OPTN: variants seen among roughly 807,000 people sequenced by gnomAD.
OPTN encodes E3-14.7K-interacting protein.
OPTN carries 54 observed loss-of-function variants against 70.4 expected under a neutral mutation model. The observed-to-expected ratio is 0.77, with a 90% CI of 0.62 to 0.96. The LOEUF is 0.96. Ranked by LOEUF, OPTN falls within the 40% of genes least tolerant of loss-of-function variation. The probability of loss-of-function intolerance (pLI) is 0.00; values close to 1 mark genes in which losing one functional copy is unlikely to be tolerated. For synonymous variants in OPTN, 256 were observed against 248.5 expected (o/e 1.03, Z -0.28); for missense variants, 624 against 673.2 (o/e 0.93, Z 0.81).
chr10:13,110,466 G>A lies in OPTN; in HGVS notation c.359G>A (p.Arg120Lys), dbSNP rs1832971194. The part of the protein sequence containing the change: ...ELGKLKGKSE[R>K]SSEDPTDDSR... ...GGAAAACTAAAAGGGAAATCAGAAAGGTCATCTGAGGTGAGCAGACCGATC... is the reference window on the plus strand; with the variant it reads ...GGAAAACTAAAAGGGAAATCAGAAAAGTCATCTGAGGTGAGCAGACCGATC... Residue 120 changes from arginine (R) to lysine (K), a missense_variant, in exon 4 of 15, where the codon AGG becomes AAG. By Grantham distance (26) the Arg-to-Lys change is conservative. Coordinates refer to ENST00000378747, the MANE Select transcript of OPTN (RefSeq NM_001008212.2). 2 of 1,613,032 alleles carry A rather than the reference G, an allele frequency of 1.2e-6. No homozygotes were observed. Among genetic ancestry groups the A allele is most frequent in the Non-Finnish European group, 1.7e-6 (2 of 1,179,518 alleles).
Position 13,127,910 on chromosome 10 carries a change from C to CGCCT in OPTN, c.1401+7_1401+8insGCCT. The CGCCT allele has an allele frequency of 1.9e-6, 3 of 1,614,096 alleles. No individual in the cohort carries two copies. Among genetic ancestry groups the CGCCT allele is most frequent in the Non-Finnish European group, 2.5e-6 (3 of 1,179,994 alleles). On this transcript the variant is annotated splice_region_variant and intron_variant, in intron 12 of 14. Coordinates refer to ENST00000378747, the MANE Select transcript of OPTN (RefSeq NM_001008212.2). The stretch of plus-strand genomic sequence containing the variant: ...GACCATCCTCAGGGCTCAGGTGAGG[C>CGCCT]ACCTTCCAAAACCCCAGCTGAGCGA...
At chr10:13,124,336 G>T (rs1488691410) in intron 9 of OPTN, among the ~76,000 whole-genome samples, 1 of 152,112 alleles carries the variant, frequency 6.6e-6, no homozygotes, top group African/African-American at 2.4e-5. Context: ...GCCATTTAGG[G>T]GCATTTGTTA....
intron 13 of OPTN, 26 bp from the exon 14 acceptor site, chr10:13,133,476 C>G: frequency 6.2e-7 from 1 of 1,607,702 alleles, no homozygotes; most frequent in Non-Finnish European, 8.5e-7. Context: ...GAACATCACA[C>G]AGCGTGTTGC....
rs144466778 is a variant in OPTN, at chr10:13,127,898, G to T, written c.1396G>T (p.Ala466Ser). 75 of 1,614,138 alleles carry T rather than the reference G, an allele frequency of 4.6e-5. No homozygotes were observed. The African/African-American group carries it at 9.5e-4, about 20-fold the overall frequency. The change falls in exon 12 of 15, where the codon GCT (alanine) becomes TCT (serine). Residue 466 changes from alanine (A) to serine (S), a missense_variant. Physicochemically the swap from Ala to Ser is moderately conservative, Grantham distance 99. Coordinates refer to ENST00000378747, the MANE Select transcript of OPTN (RefSeq NM_001008212.2). ...CCTGGAAACCATGACCATCCTCAGG[G>T]CTCAGGTGAGGCACCTTCCAAAACC... ...EDLETMTILR[A>S]QMEVYCSDFH...
chr10:13,110,507 T>G lies in OPTN; in HGVS notation c.369+31T>G, dbSNP rs201978271. ...CAGACCGATCCATTGTGATGTTGTT[T>G]TTTTTTTTTCCCTTGACATTTGCAG... On this transcript the variant is annotated intron_variant, in intron 4 of 14. Transcript: ENST00000378747. 51 of 1,594,668 alleles carry G rather than the reference T, an allele frequency of 3.2e-5. No individual in the cohort carries two copies. The East Asian group carries it at 5.0e-4, about 16-fold the overall frequency.
intron 7 of OPTN, among the ~76,000 whole-genome samples, chr10:13,121,663 G>A (rs572298031): frequency 1.3e-5 from 2 of 152,258 alleles, no homozygotes; most frequent in South Asian, 4.2e-4. Context: ...AGTTCCCACA[G>A]TGTGAATCTG....
At chr10:13,109,761 G>C (rs1832953659) in intron 3 of OPTN, 1 of 165,572 alleles carries the variant, frequency 6.0e-6, no homozygotes, top group Non-Finnish European at 1.3e-5. Flanking sequence ...CTTGAGCCTG[G>C]GAAGTTGGAG....
chr10:13,111,715 T>G (rs1490541895), intron 4 of OPTN, among the ~76,000 whole-genome samples: 6 of 151,794 alleles, frequency 4.0e-5, no homozygotes, highest in Non-Finnish European at 4.4e-5. Flanking sequence ...AATTGTCAGG[T>G]AAAAGCTGAA....
At chr10:13,127,350 G>T (rs575736478) in intron 11 of OPTN, among the ~76,000 whole-genome samples, 1 of 152,300 alleles carries the variant, frequency 6.6e-6, no homozygotes, top group South Asian at 2.1e-4. Context: ...ACTGACTGCA[G>T]GAAGTAACAA....
intron 1 of OPTN, among the ~76,000 whole-genome samples, chr10:13,103,931 A>G (rs775925666): frequency 3.2e-4 from 48 of 152,238 alleles, no homozygotes; most frequent in Non-Finnish European, 6.2e-4. Flanking sequence ...TTGCCTAGAA[A>G]TAACATACTT....
chr10:13,105,824 A>G (rs563720694), intron 1 of OPTN, among the ~76,000 whole-genome samples: 14 of 152,078 alleles, frequency 9.2e-5, no homozygotes, highest in Middle Eastern at 3.4e-3. Flanking sequence ...CAGGAGAATC[A>G]CTTGAATCTG....
At position 13,118,919 on chromosome 10, in the gene OPTN, G is replaced by A. The variant is rs779278597; in HGVS notation, c.658G>A (p.Asp220Asn). 6.2e-7 allele frequency: 1 copy of A among 1,614,170 alleles called. No individual in the cohort carries two copies. Among genetic ancestry groups the A allele is most frequent in the South Asian group, 1.1e-5 (1 of 91,086 alleles). ...ALSKYRSRSADGAKNYFEHEE... is the reference protein window; with the variant it reads ...ALSKYRSRSANGAKNYFEHEE... ...GTCTAAATATAGGAGCAGATCTGCA[G>A]ATGGGGCCAAGAATTACTTCGAACA... Residue 220 changes from aspartate to asparagine, a missense_variant, in exon 7 of 15, where the codon GAT (aspartate) becomes AAT (asparagine). Coordinates refer to ENST00000378747, the MANE Select transcript of OPTN (RefSeq NM_001008212.2).
chr10:13,135,664 G>A lies in OPTN; in HGVS notation c.1613-1081G>A, dbSNP rs114201013. On this transcript the variant is annotated intron_variant, in intron 14 of 14. Coordinates refer to ENST00000378747, the MANE Select transcript of OPTN (RefSeq NM_001008212.2). ...TTTATACATCCCAGAGGATTCAAAAGTGTCTGCTGAACAAATGAGATGATT... is the reference window on the plus strand; with the variant it reads ...TTTATACATCCCAGAGGATTCAAAAATGTCTGCTGAACAAATGAGATGATT... Among the ~76,000 whole-genome samples the A allele has an allele frequency of 2.0e-3, 299 of 152,242 alleles. 3 individuals carry two copies. Among genetic ancestry groups the A allele is most frequent in the African/African-American group, 6.9e-3 (288 of 41,536 alleles).
At position 13,137,135 on chromosome 10, in the gene OPTN, C is replaced by T. The variant is rs111484304; in HGVS notation, c.*269C>T. 5.1e-3 allele frequency: 2,366 copies of T among 465,292 alleles called. 43 individuals carry two copies. The highest frequency in any genetic ancestry group is 0.041 in the African/African-American group (2,087 of 51,248). 28.8% of individuals were successfully genotyped at this position (465,292 alleles called of 1,614,324 possible). A position where few individuals can be genotyped will look rare whatever the true frequency, so the allele number is the denominator to read the frequency against. On this transcript the variant is annotated 3_prime_UTR_variant, in exon 15 of 15. Coordinates refer to ENST00000378747, the MANE Select transcript of OPTN (RefSeq NM_001008212.2). ...CTCTACCAAAATTACAAAAATTAGC[C>T]GAGCATGGTGGCGCATGCCTGTAGT...
Position 13,133,487 on chromosome 10 carries a change from T to G in OPTN, c.1533-15T>G. The G allele has an allele frequency of 6.2e-7, 1 of 1,613,356 alleles. No individual in the cohort carries two copies. The highest frequency in any genetic ancestry group is 8.5e-7 in the Non-Finnish European group (1 of 1,179,350). On this transcript the variant is annotated splice_polypyrimidine_tract_variant and intron_variant, in intron 13 of 14. Coordinates refer to ENST00000378747, the MANE Select transcript of OPTN (RefSeq NM_001008212.2). ...TGTAGAACATCACACAGCGTGTTGC[T>G]TTTCGTCCTGGCAGGCAGTCCTTGA...
chr10:13,106,744 T>G (rs915790335), intron 1 of OPTN, among the ~76,000 whole-genome samples: 1 of 152,156 alleles, frequency 6.6e-6, no homozygotes, highest in African/African-American at 2.4e-5. Context: ...ACCACAGTGG[T>G]GCATTTTGTT....
rs1320674138 is a variant in OPTN at position 13,132,129 on chromosome 10, A to G, written c.1464A>G (p.Glu488=). Residue 488 remains glutamate (E), a synonymous_variant, in exon 13 of 15, where the codon GAA becomes GAG. Transcript: ENST00000378747. ...ERAAREKIHE[E]KEQLALQLAV... ...CAGCGAGAGAGAAAATTCATGAGGAAAAGGAGCAACTGGCATTGCAGCTGG... is the reference window on the plus strand; with the variant it reads ...CAGCGAGAGAGAAAATTCATGAGGAGAAGGAGCAACTGGCATTGCAGCTGG... The G allele has an allele frequency of 6.2e-7, 1 of 1,613,742 alleles. No individual in the cohort carries two copies. Among genetic ancestry groups the G allele is most frequent in the African/African-American group, 1.3e-5 (1 of 75,036 alleles).
chr10:13,132,242 C>T lies in OPTN; in HGVS notation c.1532+45C>T, dbSNP rs371175316. 5.0e-6 allele frequency: 8 copies of T among 1,604,470 alleles called. No individual in the cohort carries two copies. The Admixed American group carries it at 5.0e-5, about 10-fold the overall frequency. ...GGACCCAGAGCTCACATCAGCATGG[C>T]CGTAGAAGAGGTGCCTGTCCAAAGA... On this transcript the variant is annotated intron_variant, in intron 13 of 14. Coordinates refer to ENST00000378747, the MANE Select transcript of OPTN (RefSeq NM_001008212.2).
chr10:13,104,618 A>G (rs1832824800), intron 1 of OPTN: 2 of 682,102 alleles, frequency 2.9e-6, no homozygotes, highest in Non-Finnish European at 5.6e-6. Context: ...TCCTCGTATT[A>G]CCACCATTCC....
Sources: gnomAD v4.1 joint callset for allele counts (sites outside exome capture counted in the v4.1 genomes callset) on GRCh38, gnomAD v4.1.1 for gene constraint, MANE v1.5 for transcripts, NCBI Gene and HGNC (gene_info 2026-07-23, HGNC 2026-07-21) for gene names.